CYP19A1: variants seen among roughly 807,000 people sequenced by gnomAD.
CYP19A1 encodes aromatase.
CYP19A1 carries 32 observed loss-of-function variants against 44.4 expected under a neutral mutation model. The observed-to-expected ratio is 0.72, with a 90% CI of 0.54 to 0.97. The LOEUF (loss-of-function observed/expected upper bound fraction) is 0.97. CYP19A1 is among the 50% of genes least tolerant of loss of function. CYP19A1 has a pLI of 0.00. For synonymous variants in CYP19A1, 212 were observed against 215.6 expected, an observed-to-expected ratio of 0.98 and a Z score of 0.14; for missense variants, 598 against 637.8, an observed-to-expected ratio of 0.94 and a Z score of 0.67.
intron 1 of CYP19A1, among the ~76,000 whole-genome samples, chr15:51,260,168 G>T (rs186489503): frequency 6.6e-6 from 1 of 152,344 alleles, no homozygotes; most frequent in East Asian, 1.9e-4. Context: ...AAACTAGATG[G>T]TGGCATGCTC....
chr15:51,334,328 C>G (rs1398986465), intron 1 of CYP19A1, among the ~76,000 whole-genome samples: 2 of 152,198 alleles, frequency 1.3e-5, no homozygotes, highest in African/African-American at 4.8e-5. Flanking sequence ...CTCCTGAGCC[C>G]TGACTTCCTC....
rs981313439 is a variant in CYP19A1, at chr15:51,210,737, G to A, written c.*71C>T. ...TGTTCACTGTGAGGATGACACTATT[G>A]GCAAGGATGGATGATTTGTATGTGA... On this transcript the variant is annotated 3_prime_UTR_variant, in exon 10 of 10. Coordinates refer to ENST00000396402, the MANE Select transcript of CYP19A1 (RefSeq NM_000103.4). The A allele has an allele frequency of 1.0e-6, 1 of 1,002,290 alleles. No individual in the cohort carries two copies. The highest frequency in any genetic ancestry group is 1.6e-6 in the Non-Finnish European group (1 of 621,046). The allele number at this position is 1,002,290 out of a possible 1,614,324, so 62.1% of individuals were successfully genotyped here.
intron 1 of CYP19A1, among the ~76,000 whole-genome samples, chr15:51,287,748 C>T (rs1289658939): frequency 6.6e-6 from 1 of 152,174 alleles, no homozygotes; most frequent in Admixed American, 6.5e-5. Context: ...CTGGGGCTAA[C>T]ACTATAAAAT....
At chr15:51,256,153 T>C (rs2034505146) in intron 1 of CYP19A1, among the ~76,000 whole-genome samples, 1 of 152,246 alleles carries the variant, frequency 6.6e-6, no homozygotes, top group African/African-American at 2.4e-5. Context: ...GTACAGCTTA[T>C]TAATAAACAG....
chr15:51,315,021 C>T (rs1365889644), intron 1 of CYP19A1, among the ~76,000 whole-genome samples: 3 of 152,074 alleles, frequency 2.0e-5, no homozygotes, highest in African/African-American at 7.2e-5. Context: ...GAATCCGATC[C>T]TGCTTGCTTT....
At chr15:51,304,339 C>A (rs2036172058) in intron 1 of CYP19A1, among the ~76,000 whole-genome samples, 1 of 152,124 alleles carries the variant, frequency 6.6e-6, no homozygotes, top group Non-Finnish European at 1.5e-5. Flanking sequence ...CTCTTTTTAG[C>A]CCTTAGCTAG....
At chr15:51,243,202 C>A (rs2033881429) in intron 1 of CYP19A1, 1 of 400,724 alleles carries the variant, frequency 2.5e-6, no homozygotes, top group Non-Finnish European at 4.7e-6. Flanking sequence ...TCTGATAGAA[C>A]CTTATCATCT....
chr15:51,225,727 T>A (rs1417808717), intron 4 of CYP19A1, among the ~76,000 whole-genome samples: 2 of 152,018 alleles, frequency 1.3e-5, no homozygotes, highest in Non-Finnish European at 2.9e-5. Flanking sequence ...TTACTTTACA[T>A]GAAAAGGGGG....
chr15:51,253,380 C>A (rs747481480), intron 1 of CYP19A1, among the ~76,000 whole-genome samples: 4 of 152,152 alleles, frequency 2.6e-5, no homozygotes, highest in Non-Finnish European at 4.4e-5. Flanking sequence ...GAGCTATATG[C>A]CTTTGAAAAG....
intron 5 of CYP19A1, 109 bp downstream of exon 5, chr15:51,222,240 C>G: frequency 1.9e-6 from 3 of 1,579,142 alleles, no homozygotes; most frequent in Middle Eastern, 1.7e-4. Context: ...AATGTTTAAA[C>G]AAGAGCAATG....
intron 3 of CYP19A1, among the ~76,000 whole-genome samples, chr15:51,236,487 T>C (rs538795309): frequency 6.6e-6 from 1 of 152,372 alleles, no homozygotes; most frequent in African/African-American, 2.4e-5. Context: ...TTGGCTTGGT[T>C]CTTTTTAATG....
At chr15:51,263,499 A>T (rs1406610579) in intron 1 of CYP19A1, among the ~76,000 whole-genome samples, 2 of 152,222 alleles carry the variant, frequency 1.3e-5, no homozygotes, top group East Asian at 3.8e-4. Flanking sequence ...GGAAGTTTTC[A>T]CTTGCTTGGC....
At chr15:51,236,502 T>C (rs1200176929) in intron 3 of CYP19A1, among the ~76,000 whole-genome samples, 2 of 152,238 alleles carry the variant, frequency 1.3e-5, no homozygotes, top group Admixed American at 1.3e-4. Flanking sequence ...TTAATGTTTA[T>C]TTGTGGTTAA....
chr15:51,240,107 C>T (rs898078879), intron 2 of CYP19A1, among the ~76,000 whole-genome samples: 8 of 137,490 alleles, frequency 5.8e-5, no homozygotes, highest in African/African-American at 2.2e-4. Flanking sequence ...TTCCTCAGGA[C>T]TTTCATAGCC....
chr15:51,300,026 G>C lies in CYP19A1; in HGVS notation c.-39+38469C>G, dbSNP rs147523013. Among the ~76,000 whole-genome samples, 48 of 152,328 alleles carry C rather than the reference G, an allele frequency of 3.2e-4. 2 individuals carry two copies. The East Asian group carries it at 9.3e-3, about 29-fold the overall frequency. On this transcript the variant is annotated intron_variant, in intron 1 of 9. Coordinates refer to ENST00000396402, the MANE Select transcript of CYP19A1 (RefSeq NM_000103.4). Reference sequence around the variant, plus strand: ...GCAAGAGAATGCACAGCCAATCTGAGCAACAGGAAGAGTGAAACGGCAACC... The same window carrying C: ...GCAAGAGAATGCACAGCCAATCTGACCAACAGGAAGAGTGAAACGGCAACC...
intron 1 of CYP19A1, among the ~76,000 whole-genome samples, chr15:51,297,410 G>C (rs1344426541): frequency 1.3e-5 from 2 of 152,176 alleles, no homozygotes; most frequent in Non-Finnish European, 2.9e-5. Context: ...GAGTCCCATG[G>C]AGTAAAGTGC....
In CYP19A1 at chr15:51,332,323, C is replaced by T. The variant is rs568826154; in HGVS notation, c.-39+6172G>A. On this transcript the variant is annotated intron_variant, in intron 1 of 9. Transcript: ENST00000396402. ...TCTCCTGCTGTTCCTCCTCCCCCAGCATGAGGCCTTTAGGACGCTTTCACT... is the reference window on the plus strand; with the variant it reads ...TCTCCTGCTGTTCCTCCTCCCCCAGTATGAGGCCTTTAGGACGCTTTCACT... Among the ~76,000 whole-genome samples, 74 of 152,298 alleles carry T rather than the reference C, an allele frequency of 4.9e-4. 1 individual carries two copies. Among genetic ancestry groups the T allele is most frequent in the African/African-American group, 1.6e-3 (68 of 41,564 alleles).
chr15:51,271,177 G>A (rs904983931), intron 1 of CYP19A1, among the ~76,000 whole-genome samples: 8 of 150,740 alleles, frequency 5.3e-5, no homozygotes, highest in East Asian at 1.9e-4. Context: ...CTTTTTTATC[G>A]CCCTCTTCTT....
At chr15:51,280,103 A>G (rs1287468604) in intron 1 of CYP19A1, 1 of 152,326 alleles carries the variant, frequency 6.6e-6, no homozygotes, top group African/African-American at 2.4e-5. Flanking sequence ...ATCTAAAACT[A>G]AAAGCCTGCC....
Sources: gnomAD v4.1 joint callset for allele counts (sites outside exome capture counted in the v4.1 genomes callset) on GRCh38, gnomAD v4.1.1 for gene constraint, MANE v1.5 for transcripts, NCBI Gene and HGNC (gene_info 2026-07-23, HGNC 2026-07-21) for gene names.